Variants in ADAMTS9 observed in about 807,000 individuals in gnomAD.
ADAMTS9 encodes the protein ADAM metallopeptidase with thrombospondin type 1 motif 9, also known as A disintegrin and metalloproteinase with thrombospondin motifs 9.
Under a neutral mutation model 257.1 loss-of-function variants are expected in ADAMTS9, and 107 were observed. That is an observed-to-expected ratio of 0.42 (90% CI 0.36 to 0.49). The LOEUF is 0.49. Among genes scored for constraint, ADAMTS9 ranks in the 20% least tolerant of loss-of-function variants. ADAMTS9 has a pLI of 0.03. For missense variants in ADAMTS9, 2,353 were observed against 2,469.1 expected (o/e 0.95, Z 1.00); for synonymous variants, 982 against 880.9 (o/e 1.11, Z -2.03).
At chr3:64,556,440 C>T (rs1488824674) in intron 30 of ADAMTS9, among the ~76,000 whole-genome samples, 1 of 152,174 alleles carries the variant, frequency 6.6e-6, no homozygotes, top group Non-Finnish European at 1.5e-5. Flanking sequence ...CTCACTTCAG[C>T]CTCCCAGGTA....
chr3:64,654,904 G>A (rs1027860314), intron 6 of ADAMTS9, among the ~76,000 whole-genome samples: 2 of 152,170 alleles, frequency 1.3e-5, no homozygotes, highest in African/African-American at 4.8e-5. Flanking sequence ...AATGATTCCA[G>A]TTTCGTAAAG....
At chr3:64,584,069 A>T (rs1182403283) in intron 28 of ADAMTS9, 1 of 152,220 alleles carries the variant, frequency 6.6e-6, no homozygotes, top group Admixed American at 6.6e-5. Context: ...TAATGATTTC[A>T]CCAAGAAAGG....
At chr3:64,531,761 G>T (rs761006396) in intron 38 of ADAMTS9, among the ~76,000 whole-genome samples, 3 of 152,138 alleles carry the variant, frequency 2.0e-5, no homozygotes, top group Non-Finnish European at 4.4e-5. Flanking sequence ...ATTTTATCTG[G>T]CCGTTCTGCC....
intron 16 of ADAMTS9, among the ~76,000 whole-genome samples, chr3:64,626,826 A>G (rs1223800522): frequency 6.6e-6 from 1 of 152,214 alleles, no homozygotes; most frequent in East Asian, 1.9e-4. Context: ...GAGTGCTTCC[A>G]GCCAAATGAC....
intron 28 of ADAMTS9, chr3:64,586,641 C>T (rs187894601): frequency 5.3e-5 from 8 of 152,144 alleles, no homozygotes; most frequent in African/African-American, 2.4e-5. Flanking sequence ...AATGTTGTTG[C>T]ATAAGTTTAA....
Position 64,633,534 on chromosome 3 carries a change from C to T in ADAMTS9, c.2113G>A (p.Val705Met). The change falls in exon 14 of 40, where the codon GTG (valine) becomes ATG (methionine). Residue 705 changes from valine to methionine, a missense_variant. By Grantham distance (21) the Val-to-Met change is conservative. Transcript: ENST00000498707. ...TGGCCACAAGGAGTTCCATCTATCACTCTGTCTCGAAGCTGATAGTAGGCT... is the reference window on the plus strand; with the variant it reads ...TGGCCACAAGGAGTTCCATCTATCATTCTGTCTCGAAGCTGATAGTAGGCT... ...NTAYYQLRDR[V>M]IDGTPCGQDT... 6.2e-7 allele frequency: 1 copy of T among 1,614,122 alleles called. No individual in the cohort carries two copies. The highest frequency in any genetic ancestry group is 8.5e-7 in the Non-Finnish European group (1 of 1,180,008).
chr3:64,580,332 T>G (rs1216340497), intron 28 of ADAMTS9, among the ~76,000 whole-genome samples: 1 of 152,188 alleles, frequency 6.6e-6, no homozygotes, highest in Non-Finnish European at 1.5e-5. Context: ...TTTCTAAGTA[T>G]AGGATATCCA....
At chr3:64,568,885 C>G (rs1041876502) in intron 28 of ADAMTS9, 2 of 207,894 alleles carry the variant, frequency 9.6e-6, no homozygotes, top group Non-Finnish European at 1.9e-5. Flanking sequence ...ATTTCTTCAA[C>G]AAAATGCCTG....
At chr3:64,528,326 C>CTG (rs1559747570) in intron 38 of ADAMTS9, among the ~76,000 whole-genome samples, 15 of 152,262 alleles carry the variant, frequency 9.9e-5, no homozygotes, top group Admixed American at 9.2e-4. Flanking sequence ...TTTCACATTC[C>CTG]CACACGTTGG....
intron 14 of ADAMTS9, 105 bp downstream of exon 14, chr3:64,633,367 G>A: frequency 1.3e-6 from 2 of 1,501,618 alleles, no homozygotes; most frequent in Non-Finnish European, 1.8e-6. Flanking sequence ...CCACTGCCCT[G>A]GCAACAGTGC....
intron 38 of ADAMTS9, among the ~76,000 whole-genome samples, chr3:64,530,250 C>G (rs1048982190): frequency 2.0e-5 from 3 of 151,924 alleles, no homozygotes; most frequent in African/African-American, 7.2e-5. Flanking sequence ...AGTCCCACCT[C>G]ACATGCTAAT....
At chr3:64,545,265 C>A (rs2083182156) in intron 32 of ADAMTS9, among the ~76,000 whole-genome samples, 1 of 152,134 alleles carries the variant, frequency 6.6e-6, no homozygotes, top group Non-Finnish European at 1.5e-5. Context: ...TGGGCATATA[C>A]CCAAAGGATT....
chr3:64,629,876 GCTCA>G (rs1431978711), intron 16 of ADAMTS9, among the ~76,000 whole-genome samples: 2 of 152,130 alleles, frequency 1.3e-5, no homozygotes, highest in African/African-American at 2.4e-5. Flanking sequence ...TTAGCTGAAG[GCTCA>G]CTGTCTATCT....
At chr3:64,649,829 G>A in intron 9 of ADAMTS9, 51 bp from the exon 10 acceptor site, 3 of 1,572,330 alleles carry the variant, frequency 1.9e-6, no homozygotes, top group Non-Finnish European at 2.6e-6. Flanking sequence ...GGCTGTCAAG[G>A]TCTCCCCCAG....
chr3:64,672,313 G>A (rs964424052), intron 3 of ADAMTS9, among the ~76,000 whole-genome samples: 1 of 152,226 alleles, frequency 6.6e-6, no homozygotes, highest in Non-Finnish European at 1.5e-5. Flanking sequence ...AAGAAACAGG[G>A]AAAGGTCCTG....
intron 4 of ADAMTS9, 131 bp from the exon 5 acceptor site, chr3:64,656,006 T>G (rs1346609068): frequency 1.6e-5 from 9 of 578,070 alleles, no homozygotes; most frequent in East Asian, 1.5e-4. Flanking sequence ...TTGTGAATTT[T>G]TCATTCACTC....
intron 23 of ADAMTS9, among the ~76,000 whole-genome samples, chr3:64,605,296 G>T: frequency 6.6e-6 from 1 of 152,182 alleles, no homozygotes; most frequent in Admixed American, 6.5e-5. Flanking sequence ...CTGAAAGGGA[G>T]CAGCCAAGTC....
intron 16 of ADAMTS9, among the ~76,000 whole-genome samples, chr3:64,623,013 A>G (rs111966574): frequency 2.0e-5 from 3 of 152,232 alleles, no homozygotes; most frequent in African/African-American, 7.2e-5. Context: ...AGAATTAGTC[A>G]AGCCTGTTGA....
In ADAMTS9 at chr3:64,631,532, C is replaced by T. The variant is rs758052571; in HGVS notation, c.2312G>A (p.Arg771Gln). 41 of 1,613,876 alleles carry T rather than the reference C, an allele frequency of 2.5e-5. No homozygotes were observed. Among genetic ancestry groups the T allele is most frequent in the South Asian group, 1.3e-4 (12 of 91,066 alleles). Residue 771 changes from arginine to glutamine, a missense_variant, in exon 16 of 40, where the codon CGA becomes CAA. Physicochemically the swap from Arg to Gln is conservative, Grantham distance 43. Coordinates refer to ENST00000498707, the MANE Select transcript of ADAMTS9 (RefSeq NM_182920.2). ...TVHYGYNTVVRIPAGATNIDV... is the reference protein window; with the variant it reads ...TVHYGYNTVVQIPAGATNIDV... ...AATATTGGTAGCACCAGCTGGAATT[C>T]GGACCACAGTATTGTAACCTGAAAA...
Sources: gnomAD v4.1 joint callset for allele counts (sites outside exome capture counted in the v4.1 genomes callset) on GRCh38, gnomAD v4.1.1 for gene constraint, MANE v1.5 for transcripts, NCBI Gene and HGNC (gene_info 2026-07-23, HGNC 2026-07-21) for gene names.